The following ONECUT2 variants were observed in gnomAD, a reference collection of about 807,000 sequenced individuals.
ONECUT2 encodes one cut homeobox 2.
A neutral mutation model predicts 27.9 loss-of-function variants in ONECUT2; 10 were observed. The observed-to-expected ratio is 0.36, with a 90% confidence interval of 0.22 to 0.61. ONECUT2 has a LOEUF of 0.61. Ranked by LOEUF, ONECUT2 falls within the 20% of genes least tolerant of loss-of-function variation. The pLI, the probability that ONECUT2 is intolerant of heterozygous loss-of-function variation, is 0.73. For synonymous variants in ONECUT2, 334 were observed against 315.1 expected (o/e 1.06, Z -0.64); for missense variants, 686 against 721.0 (o/e 0.95, Z 0.56).
intron 1 of ONECUT2, among the ~76,000 whole-genome samples, chr18:57,438,790 A>G (rs936413788): frequency 2.6e-5 from 4 of 152,114 alleles, no homozygotes; most frequent in Non-Finnish European, 5.9e-5. Flanking sequence ...CCTCTCCTAC[A>G]GTTTTCTCTG....
rs2050389008 is a variant in ONECUT2, at chr18:57,477,281, T to C, written c.*558T>C. Reference sequence around the variant, plus strand: ...CAAGTTCACAGCCACAACATCAGAATGGTAATTACTGAGCACAAGTTTTAA... The same window carrying C: ...CAAGTTCACAGCCACAACATCAGAACGGTAATTACTGAGCACAAGTTTTAA... On this transcript the variant is annotated 3_prime_UTR_variant, in exon 2 of 2. Coordinates refer to ENST00000491143, the MANE Select transcript of ONECUT2 (RefSeq NM_004852.3). The C allele has an allele frequency of 1.5e-5, 1 of 64,628 alleles. No individual in the cohort carries two copies. Among genetic ancestry groups the C allele is most frequent in the South Asian group, 5.4e-4 (1 of 1,868 alleles). The allele number at this position is 64,628 out of a possible 1,614,324, so 4.0% of individuals were successfully genotyped here. A position where few individuals can be genotyped will look rare whatever the true frequency, so the allele number is the denominator to read the frequency against.
chr18:57,446,213 A>C (rs2050199932), intron 1 of ONECUT2, among the ~76,000 whole-genome samples: 1 of 152,250 alleles, frequency 6.6e-6, no homozygotes, highest in African/African-American at 2.4e-5. Flanking sequence ...GCAATTGCAC[A>C]ACTTGTTTAC....
rs975164061 is a variant in ONECUT2, at chr18:57,488,827, T to A, written c.*12104T>A. On this transcript the variant is annotated 3_prime_UTR_variant, in exon 2 of 2. Coordinates refer to ENST00000491143, the MANE Select transcript of ONECUT2 (RefSeq NM_004852.3). The stretch of plus-strand genomic sequence containing the variant: ...GGCAGGTCATGGGCTGGAAGGTAGG[T>A]TTTGGTACTAGGAAGAAATCTCTGT... The A allele has an allele frequency of 1.3e-5, 2 of 152,152 alleles. No individual in the cohort carries two copies. The highest frequency in any genetic ancestry group is 4.8e-5 in the African/African-American group (2 of 41,330). 9.4% of individuals were successfully genotyped at this position (152,152 alleles called of 1,614,324 possible). A position where few individuals can be genotyped will look rare whatever the true frequency, so the allele number is the denominator to read the frequency against.
At position 57,487,369 on chromosome 18, in the gene ONECUT2, T is replaced by C. The variant is rs1468396444; in HGVS notation, c.*10646T>C. 1.3e-5 allele frequency: 2 copies of C among 152,174 alleles called. No homozygotes were observed. The highest frequency in any genetic ancestry group is 3.8e-4 in the East Asian group (2 of 5,202). 9.4% of individuals were successfully genotyped at this position (152,174 alleles called of 1,614,324 possible). ...ATATTTAATTTCCACCAAAAGGAGTTATTTTGGCTTTATGCTCATGAACTT... is the reference window on the plus strand; with the variant it reads ...ATATTTAATTTCCACCAAAAGGAGTCATTTTGGCTTTATGCTCATGAACTT... On this transcript the variant is annotated 3_prime_UTR_variant, in exon 2 of 2. Coordinates refer to ENST00000491143, the MANE Select transcript of ONECUT2 (RefSeq NM_004852.3).
At chr18:57,465,189 G>T (rs962463891) in intron 1 of ONECUT2, among the ~76,000 whole-genome samples, 1 of 152,074 alleles carries the variant, frequency 6.6e-6, no homozygotes, top group African/African-American at 2.4e-5. Context: ...TTGAGACAGG[G>T]TTTCATTCTG....
At chr18:57,458,203 T>C (rs1356535273) in intron 1 of ONECUT2, among the ~76,000 whole-genome samples, 1 of 152,212 alleles carries the variant, frequency 6.6e-6, no homozygotes, top group East Asian at 1.9e-4. Context: ...ATTTAAGCAA[T>C]GCATTAAAAC....
intron 1 of ONECUT2, among the ~76,000 whole-genome samples, chr18:57,471,355 G>C (rs998920322): frequency 6.6e-6 from 1 of 152,222 alleles, no homozygotes; most frequent in Non-Finnish European, 1.5e-5. Context: ...TTGGGATGGG[G>C]AAGGCATGGA....
At chr18:57,445,589 T>C (rs142468622) in intron 1 of ONECUT2, among the ~76,000 whole-genome samples, 1 of 152,290 alleles carries the variant, frequency 6.6e-6, no homozygotes, top group East Asian at 1.9e-4. Flanking sequence ...GATTGAAAAA[T>C]ATTAATGATT....
intron 1 of ONECUT2, among the ~76,000 whole-genome samples, chr18:57,455,727 G>A (rs1419175397): frequency 6.6e-6 from 1 of 152,184 alleles, no homozygotes; most frequent in Non-Finnish European, 1.5e-5. Flanking sequence ...CAGGGAGAAA[G>A]GGAAGCCTGC....
At chr18:57,438,643 C>T (rs2050157588) in intron 1 of ONECUT2, among the ~76,000 whole-genome samples, 2 of 152,228 alleles carry the variant, frequency 1.3e-5, no homozygotes, top group Non-Finnish European at 2.9e-5. Flanking sequence ...AGTCGGTAAT[C>T]GCCCCGCAGT....
rs545924756 is a variant in ONECUT2, at chr18:57,463,552, A to G, written c.1229-12885A>G. 2.9e-4 allele frequency among the ~76,000 whole-genome samples: 44 copies of G among 152,320 alleles called. 1 individual carries two copies. In the South Asian group the frequency reaches 8.9e-3, roughly 31 times the overall value. On this transcript the variant is annotated intron_variant, in intron 1 of 1. Coordinates refer to ENST00000491143, the MANE Select transcript of ONECUT2 (RefSeq NM_004852.3). Reference sequence around the variant, plus strand: ...TGCTGGGATTCTGATTAGAGATTGCATTGTACCTGTAGATCAATATGGAAA... The same window carrying G: ...TGCTGGGATTCTGATTAGAGATTGCGTTGTACCTGTAGATCAATATGGAAA...
At chr18:57,471,897 A>C (rs979250365) in intron 1 of ONECUT2, among the ~76,000 whole-genome samples, 12 of 151,428 alleles carry the variant, frequency 7.9e-5, no homozygotes, top group African/African-American at 2.9e-4. Context: ...GGAGCTCAAG[A>C]ATGTCTGAGG....
intron 1 of ONECUT2, among the ~76,000 whole-genome samples, chr18:57,442,928 AGCC>A (rs1219118308): frequency 6.6e-6 from 1 of 152,044 alleles, no homozygotes; most frequent in Admixed American, 6.6e-5. Flanking sequence ...AGGGAAGGAG[AGCC>A]AGCCTCTCCT....
chr18:57,469,713 GA>G (rs2050343180), intron 1 of ONECUT2, among the ~76,000 whole-genome samples: 1 of 152,202 alleles, frequency 6.6e-6, no homozygotes, highest in African/African-American at 2.4e-5. Context: ...TTGAAATCAT[GA>G]ACTCTTAACC....
chr18:57,464,714 T>C (rs2050311286), intron 1 of ONECUT2, among the ~76,000 whole-genome samples: 1 of 152,248 alleles, frequency 6.6e-6, no homozygotes, highest in East Asian at 1.9e-4. Flanking sequence ...TTTTCCTTCC[T>C]GCAGATTCAT....
intron 1 of ONECUT2, among the ~76,000 whole-genome samples, chr18:57,460,140 T>C (rs2050282210): frequency 6.6e-6 from 1 of 150,552 alleles, no homozygotes; most frequent in African/African-American, 2.4e-5. Flanking sequence ...TTACCCAGGC[T>C]AGTCTCAAAC....
chr18:57,472,432 C>A (rs1329947810), intron 1 of ONECUT2, among the ~76,000 whole-genome samples: 1 of 152,150 alleles, frequency 6.6e-6, no homozygotes, highest in East Asian at 1.9e-4. Context: ...TCCTTTAGCT[C>A]CTGACCAACT....
chr18:57,444,525 C>G, intron 1 of ONECUT2: 1 of 438,616 alleles, frequency 2.3e-6, no homozygotes, highest in Non-Finnish European at 4.6e-6. Flanking sequence ...CTGTGCCCTA[C>G]TGCGTCCTCC....
At chr18:57,461,514 T>G (rs1448815874) in intron 1 of ONECUT2, among the ~76,000 whole-genome samples, 6 of 152,204 alleles carry the variant, frequency 3.9e-5, no homozygotes, top group African/African-American at 1.2e-4. Flanking sequence ...GGTAGTTTAT[T>G]TGAAAGGTGA....
Sources: gnomAD v4.1 joint callset for allele counts (sites outside exome capture counted in the v4.1 genomes callset) on GRCh38, gnomAD v4.1.1 for gene constraint, MANE v1.5 for transcripts, NCBI Gene and HGNC (gene_info 2026-07-23, HGNC 2026-07-21) for gene names.